The following DGKB variants were observed in gnomAD, a reference collection of about 807,000 sequenced individuals.
The protein encoded by DGKB is 90 kDa diacylglycerol kinase.
In DGKB, 67 loss-of-function variants were observed where a neutral mutation model predicts 114.3. That is an observed-to-expected ratio of 0.59 (90% confidence interval 0.48 to 0.72). DGKB has a LOEUF of 0.72. DGKB is among the 30% of genes least tolerant of loss of function. The pLI, the probability that DGKB is intolerant of heterozygous loss-of-function variation, is 0.00. For missense variants in DGKB, 907 were observed against 975.2 expected (o/e 0.93, Z 0.93); for synonymous variants, 398 against 323.1 (o/e 1.23, Z -2.49).
rs1811105485 is a variant in DGKB, at chr7:14,338,659, T to C, written c.1978A>G (p.Ile660Val). Residue 660 changes from isoleucine (I) to valine (V), a missense_variant, in exon 23 of 26, where the codon ATT becomes GTT. Ile to Val is a conservative substitution (Grantham distance 29). Around this residue, in one of 3 missense-constraint regions of DGKB, gnomAD observed 814 missense variants for 856.6 expected, o/e 0.95. Transcript: ENST00000402815. ...LINISLEGIA[I>V]LNIPSMHGGS... ...CCATGCATGCTTGGTATATTCAAAA[T>C]AGCAATTCCTTCCAGAGAGATGTTT... is the stretch of plus-strand genomic sequence containing the variant. 1 of 1,600,804 alleles carries C rather than the reference T, an allele frequency of 6.2e-7. No individual in the cohort carries two copies. The highest frequency in any genetic ancestry group is 8.5e-7 in the Non-Finnish European group (1 of 1,172,920).
At chr7:14,473,121 C>A (rs1050174391) in intron 21 of DGKB, among the ~76,000 whole-genome samples, 3 of 152,166 alleles carry the variant, frequency 2.0e-5, no homozygotes, top group African/African-American at 7.2e-5. Flanking sequence ...CAGGGCATGT[C>A]AGAGACCTTT....
intron 1 of DGKB, among the ~76,000 whole-genome samples, chr7:14,932,992 G>A (rs1244116425): frequency 6.6e-6 from 1 of 152,076 alleles, no homozygotes; most frequent in Non-Finnish European, 1.5e-5. Context: ...ATAACCTGGG[G>A]GCAAGAATAG....
intron 2 of DGKB, among the ~76,000 whole-genome samples, chr7:14,806,567 G>C (rs1210048971): frequency 6.6e-6 from 1 of 151,924 alleles, no homozygotes; most frequent in Non-Finnish European, 1.5e-5. Context: ...ATTTTAACGT[G>C]AAAATATTTA....
At chr7:14,482,001 A>G (rs1297108605) in intron 20 of DGKB, among the ~76,000 whole-genome samples, 1 of 151,998 alleles carries the variant, frequency 6.6e-6, no homozygotes, top group Non-Finnish European at 1.5e-5. Context: ...TATGTGGACT[A>G]CATATTGAAG....
At chr7:14,831,179 C>A (rs1446247224) in intron 2 of DGKB, among the ~76,000 whole-genome samples, 1 of 151,678 alleles carries the variant, frequency 6.6e-6, no homozygotes, top group Admixed American at 6.6e-5. Flanking sequence ...CGGTGAGAGA[C>A]CAAGACAAGG....
intron 21 of DGKB, among the ~76,000 whole-genome samples, chr7:14,378,300 T>C (rs1818822679): frequency 6.6e-6 from 1 of 152,210 alleles, no homozygotes; most frequent in Non-Finnish European, 1.5e-5. Flanking sequence ...GAAGATGATA[T>C]TCTAATCCAT....
In DGKB at chr7:14,677,490, T is replaced by C. The variant is rs1347537529; in HGVS notation, c.1036-4463A>G. Among the ~76,000 whole-genome samples the C allele has an allele frequency of 4.6e-5, 7 of 151,982 alleles. 1 individual carries two copies. Among genetic ancestry groups the C allele is most frequent in the Admixed American group, 4.6e-4 (7 of 15,202 alleles). The stretch of plus-strand genomic sequence containing the variant: ...AACCTTTAAACATTACTGTTAGGAA[T>C]TTAGTATCTTAATAAACAATATTAT... On this transcript the variant is annotated intron_variant, in intron 12 of 25. Coordinates refer to ENST00000402815, the MANE Select transcript of DGKB (RefSeq NM_001350709.2).
intron 20 of DGKB, among the ~76,000 whole-genome samples, chr7:14,532,334 T>G (rs1791734343): frequency 6.6e-6 from 1 of 150,988 alleles, no homozygotes; most frequent in South Asian, 2.1e-4. Context: ...GAATCAAATG[T>G]CAGAGATTGT....
rs1227177798 is a variant in DGKB, at chr7:14,708,337, AT to A, written c.467-6608del. On this transcript the variant is annotated intron_variant, in intron 6 of 25. Coordinates refer to ENST00000402815, the MANE Select transcript of DGKB (RefSeq NM_001350709.2). ...AGAGGATACAAACAAATGGAAGAACATTCCATGCTCATGGGTAGGAAGAATC... is the reference window on the plus strand; with the variant it reads ...AGAGGATACAAACAAATGGAAGAACATCCATGCTCATGGGTAGGAAGAATC... Among the ~76,000 whole-genome samples the A allele has an allele frequency of 3.4e-5, 4 of 118,046 alleles. No homozygotes were observed. In the South Asian group the frequency reaches 1.0e-3, roughly 29 times the overall value. The allele number at this position is 118,046 out of a possible 152,430, so 77.4% of individuals were successfully genotyped here.
intron 7 of DGKB, among the ~76,000 whole-genome samples, chr7:14,701,164 A>T (rs1825102846): frequency 6.6e-6 from 1 of 152,200 alleles, no homozygotes; most frequent in Admixed American, 6.5e-5. Context: ...ACTGGATGAG[A>T]TATTTTAAAA....
At chr7:14,953,641 T>A (rs1786334241) in intron 1 of DGKB, among the ~76,000 whole-genome samples, 2 of 152,126 alleles carry the variant, frequency 1.3e-5, no homozygotes, top group African/African-American at 2.4e-5. Flanking sequence ...TTTTGGCAGA[T>A]CCTCAGAGTT....
chr7:14,642,874 T>C (rs558775564), intron 13 of DGKB, among the ~76,000 whole-genome samples: 13 of 152,316 alleles, frequency 8.5e-5, no homozygotes, highest in Admixed American at 2.0e-4. Flanking sequence ...ATCAGACATA[T>C]ATAATACTCT....
intron 23 of DGKB, among the ~76,000 whole-genome samples, chr7:14,250,932 T>G (rs1382340629): frequency 1.3e-5 from 2 of 152,238 alleles, no homozygotes; most frequent in African/African-American, 4.8e-5. Context: ...CTATTTCATC[T>G]TATGTAAGCA....
chr7:14,381,816 G>A (rs1390647562), intron 21 of DGKB, among the ~76,000 whole-genome samples: 10 of 151,882 alleles, frequency 6.6e-5, no homozygotes, highest in Non-Finnish European at 1.5e-4. Context: ...AATCACAAAA[G>A]TTTTCTTAAA....
chr7:14,457,258 AT>A (rs1480657197), intron 21 of DGKB, among the ~76,000 whole-genome samples: 1 of 152,134 alleles, frequency 6.6e-6, no homozygotes, highest in Non-Finnish European at 1.5e-5. Context: ...TTATTAAGTA[AT>A]TACCTAAAAT....
intron 21 of DGKB, among the ~76,000 whole-genome samples, chr7:14,466,427 A>C (rs1273763469): frequency 2.0e-5 from 3 of 152,194 alleles, no homozygotes; most frequent in Non-Finnish European, 2.9e-5. Flanking sequence ...AGTCGATTTT[A>C]GTACCAGCAA....
At chr7:14,635,483 A>T (rs905225906) in intron 13 of DGKB, among the ~76,000 whole-genome samples, 1 of 151,434 alleles carries the variant, frequency 6.6e-6, no homozygotes, top group African/African-American at 2.4e-5. Context: ...TTCCTCAATT[A>T]TAGAAACTGT....
At chr7:14,282,857 A>G (rs1446093407) in intron 23 of DGKB, among the ~76,000 whole-genome samples, 6 of 152,262 alleles carry the variant, frequency 3.9e-5, no homozygotes, top group African/African-American at 2.4e-5. Context: ...TTGATGGGAC[A>G]TATTTCAAAA....
chr7:14,279,032 A>T (rs530821526), intron 23 of DGKB, among the ~76,000 whole-genome samples: 79 of 152,130 alleles, frequency 5.2e-4, no homozygotes, highest in Non-Finnish European at 1.0e-3. Flanking sequence ...ACGCACCGTG[A>T]GCGAGCCGAA....
Sources: gnomAD v4.1 joint callset for allele counts (sites outside exome capture counted in the v4.1 genomes callset) on GRCh38, gnomAD v4.1.1 for gene constraint, gnomAD v4.1.1 regional missense constraint, MANE v1.5 for transcripts, NCBI Gene and HGNC (gene_info 2026-07-23, HGNC 2026-07-21) for gene names.